GPR135: variants seen among roughly 807,000 people sequenced by gnomAD.
GPR135 encodes the protein G-protein coupled receptor 135.
A neutral mutation model predicts 15.0 loss-of-function variants in GPR135; 17 were observed. That is an observed-to-expected ratio of 1.13 (90% confidence interval 0.78 to 1.70). The LOEUF is 1.70. Ranked by LOEUF, GPR135 falls within the 40% of genes most tolerant of loss-of-function variation. The pLI is 0.00. For synonymous variants in GPR135, 368 were observed against 349.4 expected, an observed-to-expected ratio of 1.05 and a Z score of -0.59; for missense variants, 776 against 727.0, an observed-to-expected ratio of 1.07 and a Z score of -0.78.
In GPR135 at chr14:59,465,177, C is replaced by A. The variant is rs1889110582; in HGVS notation, c.50G>T (p.Gly17Val). The A allele has an allele frequency of 2.3e-6, 3 of 1,302,176 alleles. No homozygotes were observed. Among genetic ancestry groups the A allele is most frequent in the East Asian group, 6.2e-5 (2 of 32,216 alleles). The allele number at this position is 1,302,176 out of a possible 1,614,324, so 80.7% of individuals were successfully genotyped here. A position where few individuals can be genotyped will look rare whatever the true frequency, so the allele number is the denominator to read the frequency against. ...PRPPASMALL[G>V]SQHSGAPSAA... ...GGAGGGGGCGCCGGAGTGCTGGCTG[C>A]CCAGTAAGGCCATGCTCGCTGGTGG... The change falls in exon 1 of 1, where the codon GGC (glycine) becomes GTC (valine). Residue 17 changes from glycine (G) to valine (V), a missense_variant. Coordinates refer to ENST00000395116, the MANE Select transcript of GPR135 (RefSeq NM_022571.6).
Position 59,461,996 on chromosome 14 carries a change from T to C in GPR135, c.*1746A>G, listed in dbSNP as rs1236771597. On this transcript the variant is annotated 3_prime_UTR_variant, in exon 1 of 1. Coordinates refer to ENST00000395116, the MANE Select transcript of GPR135 (RefSeq NM_022571.6). Reference sequence around the variant, plus strand: ...TGAGTGTAGCAAAATATATACAATTTACAAACTTCTGATTTGTGATGATAC... The same window carrying C: ...TGAGTGTAGCAAAATATATACAATTCACAAACTTCTGATTTGTGATGATAC... 1 of 152,206 alleles carries C rather than the reference T, an allele frequency of 6.6e-6. No homozygotes were observed. Among genetic ancestry groups the C allele is most frequent in the Non-Finnish European group, 1.5e-5 (1 of 68,046 alleles). The allele number at this position is 152,206 out of a possible 1,614,324, so 9.4% of individuals were successfully genotyped here.
downstream of GPR135, chr14:59,458,714 G>A (rs1888750538): frequency 2.0e-5 from 3 of 152,162 alleles, no homozygotes; most frequent in Admixed American, 2.0e-4. Context: ...GTTCAAGCAT[G>A]AAATCTCAGT....
chr14:59,465,266 G>C lies in GPR135; in HGVS notation c.-40C>G, dbSNP rs938961347. The C allele has an allele frequency of 1.4e-5, 17 of 1,217,630 alleles. No homozygotes were observed. In the African/African-American group the frequency reaches 1.4e-4, roughly 10 times the overall value. The allele number at this position is 1,217,630 out of a possible 1,614,324, so 75.4% of individuals were successfully genotyped here. On this transcript the variant is annotated 5_prime_UTR_variant, in exon 1 of 1. Coordinates refer to ENST00000395116, the MANE Select transcript of GPR135 (RefSeq NM_022571.6). Reference sequence around the variant, plus strand: ...GCCGCGGATCTCCTCATCCCGCACCGGGGGCGGCGGCCGCTAGGTCGGAGT... The same window carrying C: ...GCCGCGGATCTCCTCATCCCGCACCCGGGGCGGCGGCCGCTAGGTCGGAGT...
At chr14:59,453,675 A>T (rs1178849919) in intron 6 of GPR135, among the ~76,000 whole-genome samples, 1 of 152,192 alleles carries the variant, frequency 6.6e-6, no homozygotes, top group Non-Finnish European at 1.5e-5. Flanking sequence ...GAAATTAGTG[A>T]TAAGAGGCTG....
chr14:59,452,797 C>T (rs1284439521), intron 6 of GPR135, among the ~76,000 whole-genome samples: 1 of 152,070 alleles, frequency 6.6e-6, no homozygotes, highest in African/African-American at 2.4e-5. Flanking sequence ...TTTATAGCAG[C>T]TTTATTAATA....
intron 6 of GPR135, among the ~76,000 whole-genome samples, chr14:59,454,925 C>A (rs1460870501): frequency 6.6e-6 from 1 of 152,036 alleles, no homozygotes; most frequent in African/African-American, 2.4e-5. Flanking sequence ...CATGGTGAAA[C>A]CCCATCTCTA....
chr14:59,460,334 C>CAT (rs1023609498), downstream of GPR135: 8 of 152,182 alleles, frequency 5.3e-5, no homozygotes, highest in African/African-American at 7.2e-5. Context: ...TTTAGAAACA[C>CAT]ATATATATAG....
downstream of GPR135, among the ~76,000 whole-genome samples, chr14:59,460,054 G>T (rs1888802177): frequency 6.6e-6 from 1 of 152,180 alleles, no homozygotes; most frequent in Non-Finnish European, 1.5e-5. Flanking sequence ...AGAGGTTAGG[G>T]TTGGTTAAAT....
Position 59,465,221 on chromosome 14 carries a change from C to G in GPR135, c.6G>C (p.Glu2Asp). Reference protein sequence around the residue: MEEPQPPRPPAS... With the variant: MDEPQPPRPPAS... ...CTGGTGGGCGGGGCGGCTGCGGCTC[C>G]TCCATGGGGCCCAGTGGCGGCCGCG... is the stretch of plus-strand genomic sequence containing the variant. The change falls in exon 1 of 1, where the codon GAG becomes GAC. Residue 2 changes from glutamate to aspartate, a missense_variant. Transcript: ENST00000395116. 13 of 1,243,350 alleles carry G rather than the reference C, an allele frequency of 1.0e-5. No individual in the cohort carries two copies. The highest frequency in any genetic ancestry group is 1.3e-5 in the Non-Finnish European group (13 of 995,036). The allele number at this position is 1,243,350 out of a possible 1,614,324, so 77.0% of individuals were successfully genotyped here.
chr14:59,456,968 C>T (rs1358300061), downstream of GPR135, among the ~76,000 whole-genome samples: 1 of 151,862 alleles, frequency 6.6e-6, no homozygotes, highest in Non-Finnish European at 1.5e-5. Context: ...CATAAAGAAA[C>T]AAAAAATTAA....
rs777374612 is a variant in GPR135, at chr14:59,465,181, G to A, written c.46C>T (p.Leu16=). 2.7e-4 allele frequency: 347 copies of A among 1,296,492 alleles called. No individual in the cohort carries two copies. Among genetic ancestry groups the A allele is most frequent in the Non-Finnish European group, 3.3e-4 (335 of 1,027,004 alleles). 80.3% of individuals were successfully genotyped at this position (1,296,492 alleles called of 1,614,324 possible). The change falls in exon 1 of 1, where the codon CTG becomes TTG. Residue 16 remains leucine (L), a synonymous_variant. Coordinates refer to ENST00000395116, the MANE Select transcript of GPR135 (RefSeq NM_022571.6). ...GGGGCGCCGGAGTGCTGGCTGCCCAGTAAGGCCATGCTCGCTGGTGGGCGG... is the reference window on the plus strand; with the variant it reads ...GGGGCGCCGGAGTGCTGGCTGCCCAATAAGGCCATGCTCGCTGGTGGGCGG... ...PPRPPASMAL[L]GSQHSGAPSA...
chr14:59,460,205 G>GT (rs1888806600), downstream of GPR135, among the ~76,000 whole-genome samples: 1 of 152,156 alleles, frequency 6.6e-6, no homozygotes, highest in Non-Finnish European at 1.5e-5. Flanking sequence ...ATCTGATTCT[G>GT]TAATTTTTCT....
In GPR135 at chr14:59,465,039, G is replaced by A. The variant is rs1889091927; in HGVS notation, c.188C>T (p.Thr63Ile). 1.5e-6 allele frequency: 2 copies of A among 1,346,266 alleles called. No individual in the cohort carries two copies. The highest frequency in any genetic ancestry group is 1.5e-5 in the African/African-American group (1 of 65,590). 83.4% of individuals were successfully genotyped at this position (1,346,266 alleles called of 1,614,324 possible). ...GCCGCCGCCACCGGGAGCGGCAGCT[G>A]TGCCGCCTCCGCTTGCGTCGCTCAG... Reference protein sequence around the residue: ...GNLSDASGGGTAAAPGGGGLG... With the variant: ...GNLSDASGGGIAAAPGGGGLG... The change falls in exon 1 of 1, where the codon ACA (threonine) becomes ATA (isoleucine). Residue 63 changes from threonine (T) to isoleucine (I), a missense_variant. Physicochemically the swap from Thr to Ile is moderately conservative, Grantham distance 89. Transcript: ENST00000395116.
rs1888930911 is a variant in GPR135 at position 59,463,172 on chromosome 14, A to G, written c.*570T>C. On this transcript the variant is annotated 3_prime_UTR_variant, in exon 1 of 1. Coordinates refer to ENST00000395116, the MANE Select transcript of GPR135 (RefSeq NM_022571.6). Reference sequence around the variant, plus strand: ...CTTTTCAAAATCCTAAAATGATTTTAAATGGGTTATGAATTAAAAATTTTC... The same window carrying G: ...CTTTTCAAAATCCTAAAATGATTTTGAATGGGTTATGAATTAAAAATTTTC... The G allele has an allele frequency of 6.6e-6, 1 of 152,310 alleles. No individual in the cohort carries two copies. The highest frequency in any genetic ancestry group is 6.5e-5 in the Admixed American group (1 of 15,288). 9.4% of individuals were successfully genotyped at this position (152,310 alleles called of 1,614,324 possible). A position where few individuals can be genotyped will look rare whatever the true frequency, so the allele number is the denominator to read the frequency against.
chr14:59,463,880 C>A lies in GPR135; in HGVS notation c.1347G>T (p.Pro449=). ...GACNRMSSSN[P]ASGVAGDVAM... ...CCACGTCCCCTGCCACTCCGCTGGCCGGGTTGGAAGAGGACATCCTGTTGC... is the reference window on the plus strand; with the variant it reads ...CCACGTCCCCTGCCACTCCGCTGGCAGGGTTGGAAGAGGACATCCTGTTGC... Residue 449 remains proline (P), a synonymous_variant, in exon 1 of 1, where the codon CCG becomes CCT. Coordinates refer to ENST00000395116, the MANE Select transcript of GPR135 (RefSeq NM_022571.6). The A allele has an allele frequency of 6.2e-7, 1 of 1,614,112 alleles. No individual in the cohort carries two copies. The highest frequency in any genetic ancestry group is 1.1e-5 in the South Asian group (1 of 91,062).
downstream of GPR135, among the ~76,000 whole-genome samples, chr14:59,459,787 T>C (rs1389988018): frequency 6.6e-6 from 1 of 152,176 alleles, no homozygotes; most frequent in Non-Finnish European, 1.5e-5. Context: ...TCCTCTCAAG[T>C]GAGAGATTAC....
At chr14:59,452,836 G>T (rs1888532826) in intron 6 of GPR135, among the ~76,000 whole-genome samples, 1 of 152,170 alleles carries the variant, frequency 6.6e-6, no homozygotes, top group Admixed American at 6.5e-5. Context: ...CAACCAAGAT[G>T]CCATCAGTAA....
Position 59,464,777 on chromosome 14 carries a change from C to A in GPR135, c.450G>T (p.Leu150=). ...CGGGCAGGCAGAGCAGCGCCGTGAG[C>A]AGATCCGATAGGGACAGCGACAGGA... is the stretch of plus-strand genomic sequence containing the variant. The part of the protein sequence containing the change: ...AFILSLSLSD[L]LTALLCLPAA... Residue 150 remains leucine, a synonymous_variant, in exon 1 of 1, where the codon CTG becomes CTT. Coordinates refer to ENST00000395116, the MANE Select transcript of GPR135 (RefSeq NM_022571.6). 6.4e-7 allele frequency: 1 copy of A among 1,572,478 alleles called. No individual in the cohort carries two copies. Among genetic ancestry groups the A allele is most frequent in the Non-Finnish European group, 8.6e-7 (1 of 1,158,692 alleles).
At chr14:59,456,548 A>G (rs912693747), downstream of GPR135, 1 of 152,224 alleles carries the variant, frequency 6.6e-6, no homozygotes, top group African/African-American at 2.4e-5. Context: ...CGTACAACCT[A>G]TAGAGAAGGT....
Sources: allele counts gnomAD v4.1 joint callset (sites outside exome capture counted in the v4.1 genomes callset), GRCh38; gene constraint gnomAD v4.1.1; transcripts MANE v1.5; gene names NCBI Gene and HGNC (gene_info 2026-07-23, HGNC 2026-07-21).